Variants in TBC1D19 observed in about 807,000 individuals in gnomAD.
TBC1D19 encodes the protein TBC1 domain family, member 19.
TBC1D19 carries 60 observed loss-of-function variants against 89.0 expected under a neutral mutation model. The observed-to-expected ratio is 0.67, with a 90% CI of 0.55 to 0.84. TBC1D19 has a LOEUF of 0.84. TBC1D19 is among the 40% of genes least tolerant of loss of function. TBC1D19 has a pLI of 0.00. For synonymous variants in TBC1D19, 189 were observed against 199.7 expected, an observed-to-expected ratio of 0.95 and a Z score of 0.45; for missense variants, 500 against 610.8, an observed-to-expected ratio of 0.82 and a Z score of 1.91.
intron 11 of TBC1D19, among the ~76,000 whole-genome samples, chr4:26,681,307 G>A (rs1471112816): frequency 6.6e-6 from 1 of 152,054 alleles, no homozygotes; most frequent in Non-Finnish European, 1.5e-5. Flanking sequence ...GGGAGGCTGA[G>A]GCGGGCAGAT....
intron 11 of TBC1D19, among the ~76,000 whole-genome samples, chr4:26,674,738 G>A (rs914289627): frequency 4.6e-5 from 7 of 151,720 alleles, no homozygotes; most frequent in Admixed American, 6.6e-5. Context: ...ATGAAATAAC[G>A]TACATGTACT....
At chr4:26,823,468 C>A in the TBC1D19 span, among the ~76,000 whole-genome samples, 5 of 152,240 alleles carry the variant, frequency 3.3e-5, no homozygotes, top group South Asian at 1.0e-3. Flanking sequence ...GTGGAAGATA[C>A]ACAGAAGAGA....
intron 11 of TBC1D19, among the ~76,000 whole-genome samples, chr4:26,678,150 G>C (rs536907913): frequency 6.6e-6 from 1 of 152,290 alleles, no homozygotes; most frequent in East Asian, 1.9e-4. Context: ...CCAAAATGTT[G>C]ATAGTGATAT....
chr4:26,577,949 T>G (rs1486653626), intron 1 of TBC1D19, among the ~76,000 whole-genome samples: 1 of 152,254 alleles, frequency 6.6e-6, no homozygotes, highest in Non-Finnish European at 1.5e-5. Flanking sequence ...AAGGAAATTT[T>G]GAGCTAAGAA....
the TBC1D19 span, among the ~76,000 whole-genome samples, chr4:26,855,929 T>C: frequency 6.6e-6 from 1 of 152,260 alleles, no homozygotes; most frequent in Non-Finnish European, 1.5e-5. Context: ...TGTAGAACAA[T>C]TCAACTGAGC....
chr4:26,615,541 T>G (rs1741631973), intron 3 of TBC1D19, among the ~76,000 whole-genome samples: 1 of 152,042 alleles, frequency 6.6e-6, no homozygotes, highest in African/African-American at 2.4e-5. Flanking sequence ...CAAGTTGACC[T>G]TTCCAGTTTG....
At chr4:26,645,275 C>G (rs960652136) in intron 7 of TBC1D19, among the ~76,000 whole-genome samples, 1 of 152,108 alleles carries the variant, frequency 6.6e-6, no homozygotes, top group Non-Finnish European at 1.5e-5. Flanking sequence ...CTACAGTAAC[C>G]AAAAGAGCAT....
chr4:26,628,369 G>A (rs562434514), intron 4 of TBC1D19, among the ~76,000 whole-genome samples: 113 of 152,216 alleles, frequency 7.4e-4, no homozygotes, highest in African/African-American at 2.6e-3. Context: ...TGGCGATGCA[G>A]GCTCTTTTTT....
At chr4:26,654,782 C>A (rs1158841470) in intron 7 of TBC1D19, among the ~76,000 whole-genome samples, 5 of 152,122 alleles carry the variant, frequency 3.3e-5, no homozygotes, top group Non-Finnish European at 7.3e-5. Flanking sequence ...TTTGTCTAAT[C>A]TTTTTTCAAG....
the TBC1D19 span, among the ~76,000 whole-genome samples, chr4:26,841,512 G>A: frequency 5.9e-5 from 9 of 152,162 alleles, 1 homozygote; most frequent in Admixed American, 5.9e-4. Context: ...GCTATGGGCT[G>A]GGACAACTGA....
chr4:26,701,771 C>T (rs547153905), intron 13 of TBC1D19, among the ~76,000 whole-genome samples: 192 of 152,252 alleles, frequency 1.3e-3, no homozygotes, highest in African/African-American at 4.2e-3. Context: ...AACTAAATAT[C>T]TACCACTTGG....
At chr4:26,799,985 G>T in the TBC1D19 span, among the ~76,000 whole-genome samples, 8 of 151,982 alleles carry the variant, frequency 5.3e-5, no homozygotes, top group Non-Finnish European at 1.2e-4. Context: ...TTGCCTGTTG[G>T]ACATTTACAT....
intron 1 of TBC1D19, among the ~76,000 whole-genome samples, chr4:26,604,660 G>A (rs1450224159): frequency 6.6e-6 from 1 of 151,002 alleles, no homozygotes; most frequent in East Asian, 2.0e-4. Context: ...CGGATCACGA[G>A]GTTGGGAGAT....
Position 26,638,800 on chromosome 4 carries a change from T to C in TBC1D19, c.399T>C (p.Leu133=). ...CAGTTGGAGAACAGAAAGAACTTCT[T>C]AATAAATGGAATGAAATGGGAACTG... ...KRPVGEQKEL[L]NKWNEMGTDE... The change falls in exon 6 of 21, where the codon CTT becomes CTC. Residue 133 remains leucine, a synonymous_variant. Transcript: ENST00000264866. 1 of 1,611,452 alleles carries C rather than the reference T, an allele frequency of 6.2e-7. No homozygotes were observed. Among genetic ancestry groups the C allele is most frequent in the Non-Finnish European group, 8.5e-7 (1 of 1,179,296 alleles).
At chr4:26,743,554 A>G (rs1415337185) in intron 18 of TBC1D19, among the ~76,000 whole-genome samples, 1 of 152,072 alleles carries the variant, frequency 6.6e-6, no homozygotes, top group East Asian at 1.9e-4. Context: ...TTGACTGATT[A>G]TAAAGATGGA....
chr4:26,718,358 A>G (rs974534902), intron 14 of TBC1D19, among the ~76,000 whole-genome samples: 22 of 151,740 alleles, frequency 1.4e-4, no homozygotes, highest in Admixed American at 1.4e-3. Flanking sequence ...TTAACAATCT[A>G]TACTTCTCTC....
the TBC1D19 span, among the ~76,000 whole-genome samples, chr4:26,817,981 A>AAATATAT: frequency 6.0e-4 from 76 of 126,052 alleles, no homozygotes; most frequent in African/African-American, 2.7e-3. Context: ...AAAAAAAAAA[A>AAATATAT]ATATATATAT....
At chr4:26,732,358 T>C (rs140009493) in intron 15 of TBC1D19, among the ~76,000 whole-genome samples, 2,702 of 152,328 alleles carry the variant, frequency 0.018, 24 homozygotes, top group Middle Eastern at 0.082. Context: ...TCCTCCGCCC[T>C]AGCCTGGCCT....
chr4:26,831,388 C>T, the TBC1D19 span, among the ~76,000 whole-genome samples: 50 of 152,072 alleles, frequency 3.3e-4, no homozygotes, highest in African/African-American at 1.1e-3. Flanking sequence ...GTGATCTCTG[C>T]GGCAACTACA....
Sources: gnomAD v4.1 joint callset for allele counts (sites outside exome capture counted in the v4.1 genomes callset) on GRCh38, gnomAD v4.1.1 for gene constraint, MANE v1.5 for transcripts, NCBI Gene and HGNC (gene_info 2026-07-23, HGNC 2026-07-21) for gene names.